IL1RAPL2: variants seen among roughly 807,000 people sequenced by gnomAD.
The protein encoded by IL1RAPL2 is interleukin 1 receptor accessory protein like 2, also known as X-linked interleukin-1 receptor accessory protein-like 2.
In IL1RAPL2, 3 loss-of-function variants were observed where a neutral mutation model predicts 44.1. The observed-to-expected ratio is 0.07, with a 90% CI of 0.03 to 0.18. The LOEUF is 0.18. Among genes scored for constraint, IL1RAPL2 ranks in the 10% least tolerant of loss-of-function variants. The probability of loss-of-function intolerance (pLI) is 1.00; values close to 1 mark genes in which losing one functional copy is unlikely to be tolerated. For synonymous variants in IL1RAPL2, 181 were observed against 178.8 expected, an observed-to-expected ratio of 1.01 and a Z score of -0.10; for missense variants, 391 against 496.4, an observed-to-expected ratio of 0.79 and a Z score of 2.02.
At chrX:104,930,757 T>C (rs1924877816) in intron 2 of IL1RAPL2, among the ~76,000 whole-genome samples, 1 of 111,947 alleles carries the variant, frequency 8.9e-6, no homozygotes, top group Non-Finnish European at 1.9e-5. Flanking sequence ...TATGATGAGC[T>C]AGTATAGTTA....
At chrX:105,396,667 T>C (rs953965487) in intron 5 of IL1RAPL2, among the ~76,000 whole-genome samples, 3 of 106,902 alleles carry the variant, frequency 2.8e-5, no homozygotes, top group African/African-American at 1.0e-4. Flanking sequence ...AAGTCCTTGA[T>C]AAGACCAATA....
chrX:105,766,526 ATAT>A (rs2038730892), intron 10 of IL1RAPL2, among the ~76,000 whole-genome samples: 1 of 111,456 alleles, frequency 9.0e-6, no homozygotes, highest in Admixed American at 9.6e-5. Flanking sequence ...ACAATAAATA[ATAT>A]TAATAAAAAT....
intron 8 of IL1RAPL2, 54 bp from the exon 9 acceptor site, chrX:105,748,906 A>T: frequency 8.9e-7 from 1 of 1,118,582 alleles, no homozygotes; most frequent in Non-Finnish European, 1.2e-6. Flanking sequence ...ATATGGGAAG[A>T]TCCCAAGTGT....
intron 1 of IL1RAPL2, among the ~76,000 whole-genome samples, chrX:104,585,335 AT>A (rs1928520471): frequency 5.8e-5 from 1 of 17,279 alleles, no homozygotes; most frequent in Non-Finnish European, 7.9e-5. Context: ...TATAATATAT[AT>A]TATATATTAT....
chrX:105,440,252 A>G (rs2035911306), intron 5 of IL1RAPL2, among the ~76,000 whole-genome samples: 1 of 112,126 alleles, frequency 8.9e-6, no homozygotes, highest in South Asian at 3.7e-4. Flanking sequence ...TCAATTGTAT[A>G]TTTAGTGAAT....
At chrX:104,901,952 T>G (rs1923830488) in intron 2 of IL1RAPL2, among the ~76,000 whole-genome samples, 1 of 112,300 alleles carries the variant, frequency 8.9e-6, no homozygotes, top group Non-Finnish European at 1.9e-5. Flanking sequence ...TTATCCTCAT[T>G]CTGTAATATA....
intron 6 of IL1RAPL2, among the ~76,000 whole-genome samples, chrX:105,609,353 G>A (rs755830917): frequency 4.0e-4 from 44 of 109,403 alleles, no homozygotes; most frequent in Non-Finnish European, 6.5e-4. Flanking sequence ...CTTAATGGGC[G>A]CTGAATTGTA....
chrX:105,762,631 C>T (rs940066779), intron 10 of IL1RAPL2, among the ~76,000 whole-genome samples: 51 of 112,046 alleles, frequency 4.6e-4, no homozygotes, highest in African/African-American at 1.6e-3. Flanking sequence ...TGTGGTTTCG[C>T]AGACTGGTCT....
intron 2 of IL1RAPL2, among the ~76,000 whole-genome samples, chrX:104,672,473 C>T (rs752212106): frequency 4.0e-3 from 435 of 108,528 alleles, no homozygotes; most frequent in African/African-American, 0.014. Context: ...ATATGTGCCA[C>T]ATTTTCTTAA....
At chrX:105,310,970 G>T (rs1470864030) in intron 5 of IL1RAPL2, among the ~76,000 whole-genome samples, 1 of 111,296 alleles carries the variant, frequency 9.0e-6, no homozygotes, top group Non-Finnish European at 1.9e-5. Context: ...TTCTGTCAGG[G>T]TTTGCTTATG....
intron 2 of IL1RAPL2, among the ~76,000 whole-genome samples, chrX:104,680,826 T>C (rs1031239601): frequency 8.9e-6 from 1 of 111,918 alleles, no homozygotes; most frequent in South Asian, 3.7e-4. Flanking sequence ...GATTCTTAAC[T>C]TGGAATATTA....
intron 2 of IL1RAPL2, among the ~76,000 whole-genome samples, chrX:104,737,570 T>G (rs1403772385): frequency 9.0e-6 from 1 of 111,719 alleles, no homozygotes; most frequent in African/African-American, 3.2e-5. Context: ...GTAGGCAATT[T>G]GAGAACTAGA....
chrX:104,921,366 G>A (rs1167256638), intron 2 of IL1RAPL2, among the ~76,000 whole-genome samples: 1 of 111,130 alleles, frequency 9.0e-6, no homozygotes, highest in African/African-American at 3.3e-5. Flanking sequence ...CATTGCCATG[G>A]GGCTGAGGTA....
chrX:104,877,453 G>A (rs1407844745), intron 2 of IL1RAPL2, among the ~76,000 whole-genome samples: 1 of 112,180 alleles, frequency 8.9e-6, no homozygotes, highest in Non-Finnish European at 1.9e-5. Flanking sequence ...TATGAGGCCA[G>A]CATCATCCTG....
chrX:105,710,359 C>CTTTTTTTTTTTT (rs61023852), intron 6 of IL1RAPL2, among the ~76,000 whole-genome samples: 1 of 65,857 alleles, frequency 1.5e-5, no homozygotes, highest in African/African-American at 6.1e-5. Context: ...GAAAATCCTA[C>CTTTTTTTTTTTT]TTTTTTTTTT....
At chrX:105,319,898 G>C (rs1340954994) in intron 5 of IL1RAPL2, among the ~76,000 whole-genome samples, 1 of 110,975 alleles carries the variant, frequency 9.0e-6, no homozygotes, top group African/African-American at 3.3e-5. Context: ...CAGCAAAAAT[G>C]ACAGAGCTCA....
At chrX:104,699,125 T>G (rs1460850820) in intron 2 of IL1RAPL2, among the ~76,000 whole-genome samples, 2 of 111,513 alleles carry the variant, frequency 1.8e-5, no homozygotes, top group Non-Finnish European at 3.8e-5. Context: ...TCCCCAACCT[T>G]TTTTACCAGG....
rs1373574009 is a variant in IL1RAPL2 at position 105,041,386 on chromosome X, C to T, written c.83-154089C>T. On this transcript the variant is annotated intron_variant, in intron 2 of 10. Transcript: ENST00000372582. ...TTGGGGTGGAGAGTTCTGTAGATGT[C>T]TATTAGGTCTGTTTGGTGCAGAGCT... is the stretch of plus-strand genomic sequence containing the variant. 2.7e-5 allele frequency among the ~76,000 whole-genome samples: 3 copies of T among 110,632 alleles called. No homozygotes were observed. The East Asian group carries it at 8.6e-4, about 32-fold the overall frequency.
chrX:104,649,545 G>A (rs1487472915), intron 1 of IL1RAPL2, among the ~76,000 whole-genome samples: 1 of 111,737 alleles, frequency 8.9e-6, no homozygotes, highest in African/African-American at 3.2e-5. Flanking sequence ...AAATGTAAGA[G>A]ATAGAGATAA....
Sources: allele counts gnomAD v4.1 joint callset (sites outside exome capture counted in the v4.1 genomes callset), GRCh38; gene constraint gnomAD v4.1.1; transcripts MANE v1.5; gene names NCBI Gene and HGNC (gene_info 2026-07-23, HGNC 2026-07-21).